The following BCAS3 variants were observed in gnomAD, a reference collection of about 807,000 sequenced individuals.
BCAS3 encodes the protein BCAS3 microtubule associated cell migration factor.
In BCAS3, 53 loss-of-function variants were observed where a neutral mutation model predicts 116.1. The ratio of observed to expected loss-of-function variants is 0.46; its 90% CI spans 0.37 to 0.57. BCAS3 has a LOEUF of 0.57. BCAS3 is among the 20% of genes least tolerant of loss of function. The pLI, the probability that BCAS3 is intolerant of heterozygous loss-of-function variation, is 0.00. For missense variants in BCAS3, 917 were observed against 1,165.4 expected (o/e 0.79, Z 3.10); for synonymous variants, 391 against 408.2 (o/e 0.96, Z 0.51).
chr17:61,165,007 T>C (rs1951785889), intron 22 of BCAS3, among the ~76,000 whole-genome samples: 1 of 152,244 alleles, frequency 6.6e-6, no homozygotes, highest in Non-Finnish European at 1.5e-5. Context: ...TGAACAGTGA[T>C]GATCCTTAGT....
At chr17:61,086,148 G>A (rs2143550195) in intron 22 of BCAS3, among the ~76,000 whole-genome samples, 1 of 152,198 alleles carries the variant, frequency 6.6e-6, no homozygotes, top group South Asian at 2.1e-4. Context: ...GAGTGCAGTG[G>A]CACGATCTTG....
At chr17:61,075,097 T>A in intron 20 of BCAS3, 77 bp downstream of exon 20, 1 of 1,153,294 alleles carries the variant, frequency 8.7e-7, no homozygotes, top group Non-Finnish European at 1.3e-6. Context: ...TCCTTAGAGG[T>A]AAAAGGGGAG....
rs988051302 is a variant in BCAS3, at chr17:60,739,217, C to CAT, written c.322-7973_322-7972dup. On this transcript the variant is annotated intron_variant, in intron 5 of 23. Transcript: ENST00000407086. ...CATTTATTTCACATATGCATAAGTG[C>CAT]ATATATATACACACACAATACCACA... Among the ~76,000 whole-genome samples, 5 of 152,164 alleles carry CAT rather than the reference C, an allele frequency of 3.3e-5. No homozygotes were observed. The East Asian group carries it at 9.6e-4, about 29-fold the overall frequency.
At position 61,005,033 on chromosome 17, in the gene BCAS3, C is replaced by T. The variant is rs140602151; in HGVS notation, c.1487-10718C>T. On this transcript the variant is annotated intron_variant, in intron 15 of 23. Transcript: ENST00000407086. The stretch of plus-strand genomic sequence containing the variant: ...GTACTCATAAATGAATATAGTTTTC[C>T]GGCAGTGCTCCAGCTGATTAGGAAA... Among the ~76,000 whole-genome samples the T allele has an allele frequency of 3.3e-3, 497 of 152,102 alleles. 6 individuals are homozygous for T. The highest frequency in any genetic ancestry group is 0.011 in the African/African-American group (475 of 41,500).
intron 6 of BCAS3, among the ~76,000 whole-genome samples, chr17:60,782,493 T>C (rs1192983621): frequency 6.6e-6 from 1 of 151,870 alleles, no homozygotes; most frequent in Non-Finnish European, 1.5e-5. Flanking sequence ...ATGCCCTTTC[T>C]ATTTTCTATG....
chr17:60,781,410 C>T (rs1342186443), intron 6 of BCAS3, among the ~76,000 whole-genome samples: 2 of 151,826 alleles, frequency 1.3e-5, no homozygotes, highest in African/African-American at 4.8e-5. Context: ...ACCAGCCTGG[C>T]CAACGTGGTG....
chr17:60,991,090 A>G (rs185621722), intron 15 of BCAS3, among the ~76,000 whole-genome samples: 3 of 152,302 alleles, frequency 2.0e-5, no homozygotes, highest in African/African-American at 7.2e-5. Context: ...TCTCCATAAC[A>G]TTAAACCACA....
At chr17:61,295,412 C>G (rs898071708) in intron 22 of BCAS3, among the ~76,000 whole-genome samples, 8 of 152,194 alleles carry the variant, frequency 5.3e-5, no homozygotes, top group Non-Finnish European at 1.2e-4. Context: ...GTCTCTGACA[C>G]TAAATGCCCA....
At chr17:61,385,486 T>C (rs540260030) in intron 23 of BCAS3, among the ~76,000 whole-genome samples, 33 of 152,340 alleles carry the variant, frequency 2.2e-4, no homozygotes, top group African/African-American at 7.5e-4. Flanking sequence ...CCTCTTCACA[T>C]GTCCCATCAA....
At position 60,990,305 on chromosome 17, in the gene BCAS3, A is replaced by G. The variant is rs911219703; in HGVS notation, c.1486+70A>G. ...TTGTCCTTATTTTTACAGATCTGGG[A>G]TAAAACTAAACTTGTTATAGTCTGT... On this transcript the variant is annotated intron_variant, in intron 15 of 23. Coordinates refer to ENST00000407086, the MANE Select transcript of BCAS3 (RefSeq NM_017679.5). The surrounding 1 kb of genome is among the most constrained non-coding windows in gnomAD (Gnocchi z 5.1). The G allele has an allele frequency of 1.1e-5, 17 of 1,511,102 alleles. No individual in the cohort carries two copies. Among genetic ancestry groups the G allele is most frequent in the African/African-American group, 1.4e-5 (1 of 71,804 alleles). The allele number at this position is 1,511,102 out of a possible 1,614,324, so 93.6% of individuals were successfully genotyped here. A position where few individuals can be genotyped will look rare whatever the true frequency, so the allele number is the denominator to read the frequency against.
chr17:61,298,791 ATTATTTATTTATTTAT>A (rs144760223), intron 22 of BCAS3, among the ~76,000 whole-genome samples: 3 of 145,392 alleles, frequency 2.1e-5, no homozygotes, highest in Non-Finnish European at 3.0e-5. Context: ...GTCACATGCC[ATTATTTATTTATTTAT>A]TTATTTATTT....
intron 19 of BCAS3, among the ~76,000 whole-genome samples, chr17:61,072,468 A>G (rs2071526399): frequency 6.6e-6 from 1 of 152,114 alleles, no homozygotes; most frequent in Admixed American, 6.5e-5. Context: ...CTTACTTAGT[A>G]CAGAATCCAA....
intron 7 of BCAS3, among the ~76,000 whole-genome samples, chr17:60,820,301 T>C (rs1244945700): frequency 2.0e-5 from 3 of 152,140 alleles, no homozygotes; most frequent in African/African-American, 7.2e-5. Context: ...CGCCTTGGCC[T>C]CCCAAAGTGC....
intron 13 of BCAS3, among the ~76,000 whole-genome samples, chr17:60,930,422 A>G (rs756100108): frequency 1.3e-5 from 2 of 152,196 alleles, no homozygotes; most frequent in Non-Finnish European, 2.9e-5. Flanking sequence ...TCACTGTTAC[A>G]CTTAAGAATA....
At chr17:60,924,900 G>T (rs942450115) in intron 13 of BCAS3, among the ~76,000 whole-genome samples, 12 of 143,362 alleles carry the variant, frequency 8.4e-5, no homozygotes, top group East Asian at 4.1e-4. Context: ...AATTTTCTCG[G>T]TTTTTTTTTT....
At chr17:60,938,212 C>G (rs1393767402) in intron 13 of BCAS3, among the ~76,000 whole-genome samples, 1 of 152,050 alleles carries the variant, frequency 6.6e-6, no homozygotes, top group Non-Finnish European at 1.5e-5. Flanking sequence ...TATGGAATTT[C>G]AAAGGACCTA....
At chr17:60,727,462 G>A in intron 5 of BCAS3, 1 of 1,556,116 alleles carries the variant, frequency 6.4e-7, no homozygotes, top group South Asian at 1.2e-5. Context: ...AGGTTCTTCG[G>A]GTTTTAGGTA....
At position 61,105,455 on chromosome 17, in the gene BCAS3, G is replaced by A. The variant is rs1456343865; in HGVS notation, c.2425+20891G>A. Among the ~76,000 whole-genome samples the A allele has an allele frequency of 6.6e-6, 1 of 152,066 alleles. No individual in the cohort carries two copies. Among genetic ancestry groups the A allele is most frequent in the Non-Finnish European group, 1.5e-5 (1 of 68,010 alleles). On this transcript the variant is annotated intron_variant, in intron 22 of 23. Transcript: ENST00000407086. This position sits in a 1 kb window ranked among gnomAD's most constrained non-coding sequence, Gnocchi z 4.3. ...TTTTATTTTTTTGAGACAGAGTTTC[G>A]CTCTTGTTGCCCAGGCTGCAGTGCA... is the stretch of plus-strand genomic sequence containing the variant.
intron 12 of BCAS3, among the ~76,000 whole-genome samples, chr17:60,921,648 C>G (rs1599702819): frequency 7.0e-6 from 1 of 142,640 alleles, no homozygotes; most frequent in Non-Finnish European, 1.5e-5. Context: ...ATTGACCACA[C>G]ATGGACATAA....
Sources: gnomAD v4.1 joint callset for allele counts (sites outside exome capture counted in the v4.1 genomes callset) on GRCh38, gnomAD v4.1.1 for gene constraint, Gnocchi (gnomAD v3.1) non-coding constraint, MANE v1.5 for transcripts, NCBI Gene and HGNC (gene_info 2026-07-23, HGNC 2026-07-21) for gene names.